Variants in PCCA observed in about 807,000 individuals in gnomAD.
PCCA encodes the protein propionyl-CoA carboxylase subunit alpha.
In PCCA, 74 loss-of-function variants were observed where a neutral mutation model predicts 101.3. The observed-to-expected ratio is 0.73, with a 90% CI of 0.61 to 0.89. The LOEUF (loss-of-function observed/expected upper bound fraction) is 0.89. Ranked by LOEUF, PCCA falls within the 40% of genes least tolerant of loss-of-function variation. PCCA has a pLI of 0.00. For synonymous variants in PCCA, 294 were observed against 313.6 expected (o/e 0.94, Z 0.66); for missense variants, 891 against 907.0 (o/e 0.98, Z 0.23).
chr13:100,370,132 G>A (rs1358332271), intron 19 of PCCA, among the ~76,000 whole-genome samples: 1 of 132,378 alleles, frequency 7.6e-6, no homozygotes, highest in Non-Finnish European at 1.5e-5. Flanking sequence ...CCCAGAGGCT[G>A]GAGTGCAGTG....
At chr13:100,358,288 A>G (rs539169629) in intron 18 of PCCA, among the ~76,000 whole-genome samples, 3 of 152,214 alleles carry the variant, frequency 2.0e-5, no homozygotes, top group Non-Finnish European at 4.4e-5. Context: ...TAACATGATG[A>G]GTGAAGTCTG....
chr13:100,136,608 T>C (rs546332109), intron 4 of PCCA, among the ~76,000 whole-genome samples: 2 of 152,350 alleles, frequency 1.3e-5, no homozygotes, highest in Non-Finnish European at 2.9e-5. Context: ...ATCTATCTTA[T>C]TTTGAGTGTG....
At chr13:100,433,866 GATTT>G (rs1412211787) in intron 20 of PCCA, among the ~76,000 whole-genome samples, 1 of 152,182 alleles carries the variant, frequency 6.6e-6, no homozygotes, top group Admixed American at 6.5e-5. Flanking sequence ...AAGTATAACT[GATTT>G]ATTTAATCAA....
intron 18 of PCCA, among the ~76,000 whole-genome samples, chr13:100,365,809 G>A (rs1460173561): frequency 1.3e-5 from 2 of 152,132 alleles, no homozygotes; most frequent in African/African-American, 4.8e-5. Context: ...TATCAATGCA[G>A]ATATTGTTAC....
chr13:100,204,201 C>G (rs2058715928), intron 6 of PCCA, among the ~76,000 whole-genome samples: 1 of 151,764 alleles, frequency 6.6e-6, no homozygotes, highest in Non-Finnish European at 1.5e-5. Flanking sequence ...GCAGTCTCGG[C>G]TCACTGCAGC....
chr13:100,513,789 G>A (rs558472282), intron 21 of PCCA, among the ~76,000 whole-genome samples: 33 of 152,342 alleles, frequency 2.2e-4, no homozygotes, highest in African/African-American at 6.7e-4. Flanking sequence ...AAGGCACGTC[G>A]TAAGTCAGTC....
At chr13:100,113,626 T>C (rs1200164400) in intron 4 of PCCA, among the ~76,000 whole-genome samples, 2 of 150,574 alleles carry the variant, frequency 1.3e-5, no homozygotes, top group Non-Finnish European at 2.9e-5. Context: ...TTGGCCAAGC[T>C]AGAGTGCAGT....
At chr13:100,468,226 G>A (rs910155116) in intron 21 of PCCA, among the ~76,000 whole-genome samples, 20 of 152,244 alleles carry the variant, frequency 1.3e-4, no homozygotes, top group East Asian at 9.6e-4. Flanking sequence ...TTGTTTTTGC[G>A]TCCTAGAGTA....
At chr13:100,242,693 A>T (rs2061214214) in intron 8 of PCCA, among the ~76,000 whole-genome samples, 1 of 152,326 alleles carries the variant, frequency 6.6e-6, no homozygotes, top group Non-Finnish European at 1.5e-5. Flanking sequence ...GCAATATCTC[A>T]TAAAGTGTTG....
intron 4 of PCCA, among the ~76,000 whole-genome samples, chr13:100,144,475 A>G (rs988675541): frequency 6.6e-6 from 1 of 152,334 alleles, no homozygotes; most frequent in South Asian, 2.1e-4. Context: ...TGGTATGATC[A>G]CTTTCATGTA....
chr13:100,134,285 A>C (rs2050878042), intron 4 of PCCA, among the ~76,000 whole-genome samples: 1 of 152,138 alleles, frequency 6.6e-6, no homozygotes, highest in Non-Finnish European at 1.5e-5. Flanking sequence ...TTCCCTTGTC[A>C]GTACTACATA....
intron 16 of PCCA, among the ~76,000 whole-genome samples, chr13:100,326,169 A>T (rs983633886): frequency 6.6e-6 from 1 of 152,232 alleles, no homozygotes; most frequent in Admixed American, 6.5e-5. Context: ...GGATTTATGA[A>T]AGAGGCAACC....
At chr13:100,474,568 C>T (rs2083278537) in intron 21 of PCCA, among the ~76,000 whole-genome samples, 3 of 152,118 alleles carry the variant, frequency 2.0e-5, no homozygotes, top group Admixed American at 2.0e-4. Flanking sequence ...TCACTGCAGC[C>T]TCGACCTCCT....
At chr13:100,154,307 A>C (rs1055558746) in intron 4 of PCCA, among the ~76,000 whole-genome samples, 1 of 152,250 alleles carries the variant, frequency 6.6e-6, no homozygotes, top group Non-Finnish European at 1.5e-5. Context: ...TAAACATTAT[A>C]GAGTGAGTAG....
chr13:100,317,205 G>A (rs1368119865), intron 16 of PCCA, among the ~76,000 whole-genome samples: 1 of 152,048 alleles, frequency 6.6e-6, no homozygotes, highest in Admixed American at 6.6e-5. Context: ...GATGTACCTT[G>A]GTCTAATACC....
chr13:100,512,298 T>C (rs1327229452), intron 21 of PCCA, among the ~76,000 whole-genome samples: 2 of 152,170 alleles, frequency 1.3e-5, no homozygotes, highest in African/African-American at 2.4e-5. Flanking sequence ...GATTTCACAC[T>C]GTAGAGGCCA....
chr13:100,264,828 G>C (rs540196705), intron 10 of PCCA, among the ~76,000 whole-genome samples: 3 of 152,230 alleles, frequency 2.0e-5, no homozygotes, highest in South Asian at 4.2e-4. Flanking sequence ...AGTTTCCATT[G>C]ATGCCACCCC....
At chr13:100,495,967 T>TTCTCTCTCTC (rs58145817) in intron 21 of PCCA, among the ~76,000 whole-genome samples, 1 of 150,436 alleles carries the variant, frequency 6.6e-6, no homozygotes, top group African/African-American at 2.4e-5. Flanking sequence ...ATTCCTCTCT[T>TTCTCTCTCTC]TCTCTCTCTC....
At chr13:100,099,140 A>C (rs1006946741) in intron 1 of PCCA, among the ~76,000 whole-genome samples, 10 of 152,078 alleles carry the variant, frequency 6.6e-5, no homozygotes, top group Admixed American at 6.6e-4. Flanking sequence ...TTATCTCATA[A>C]TGAGTTATTT....
Sources: gnomAD v4.1 joint callset for allele counts (sites outside exome capture counted in the v4.1 genomes callset) on GRCh38, gnomAD v4.1.1 for gene constraint, MANE v1.5 for transcripts, NCBI Gene and HGNC (gene_info 2026-07-23, HGNC 2026-07-21) for gene names.